Variants in SMAD7 observed in about 807,000 individuals in gnomAD.
The protein encoded by SMAD7 is SMAD family member 7, also known as MAD (mothers against decapentaplegic, Drosophila) homolog 7.
SMAD7 carries 8 observed loss-of-function variants against 38.7 expected under a neutral mutation model. That is an observed-to-expected ratio of 0.21 (90% confidence interval 0.12 to 0.37). SMAD7 has a LOEUF of 0.37. SMAD7 is among the 10% of genes least tolerant of loss of function. SMAD7 has a pLI of 1.00. For synonymous variants in SMAD7, 327 were observed against 265.1 expected (o/e 1.23, Z -2.27); for missense variants, 477 against 577.9 (o/e 0.83, Z 1.79).
At position 48,941,035 on chromosome 18, in the gene SMAD7, C is replaced by A. The variant is rs376257370; in HGVS notation, c.742+1446G>T. Among the ~76,000 whole-genome samples, 128 of 152,270 alleles carry A rather than the reference C, an allele frequency of 8.4e-4. 5 individuals are homozygous for A. The South Asian group carries it at 0.026, about 31-fold the overall frequency. On this transcript the variant is annotated intron_variant, in intron 3 of 3. Transcript: ENST00000262158. The stretch of plus-strand genomic sequence containing the variant: ...CATGTGGTTTGGAGGGGCCGGGGCT[C>A]CTCCCTGCACATTCAGGGTTTAAAA...
Position 48,920,092 on chromosome 18 carries a change from T to G in SMAD7, c.*1280A>C. On this transcript the variant is annotated 3_prime_UTR_variant, in exon 4 of 4. Transcript: ENST00000262158. Reference sequence around the variant, plus strand: ...AAAACGTCTTTATATTTACAAGTAATAATATATTTATATATAACATAAAAT... The same window carrying G: ...AAAACGTCTTTATATTTACAAGTAAGAATATATTTATATATAACATAAAAT... The G allele has an allele frequency of 6.6e-6, 1 of 152,520 alleles. No individual in the cohort carries two copies. The highest frequency in any genetic ancestry group is 2.1e-4 in the South Asian group (1 of 4,832). The allele number at this position is 152,520 out of a possible 1,614,324, so 9.4% of individuals were successfully genotyped here.
intron 3 of SMAD7, among the ~76,000 whole-genome samples, chr18:48,941,704 G>A (rs541479061): frequency 1.3e-5 from 2 of 152,282 alleles, no homozygotes; most frequent in East Asian, 3.9e-4. Flanking sequence ...GTAGAAATAG[G>A]ATTTCTTCAG....
At chr18:48,934,800 C>G (rs557541988) in intron 3 of SMAD7, among the ~76,000 whole-genome samples, 5 of 151,738 alleles carry the variant, frequency 3.3e-5, no homozygotes, top group Admixed American at 3.3e-4. Context: ...AAACAGAAAA[C>G]AGGCTAGCCG....
intron 3 of SMAD7, among the ~76,000 whole-genome samples, chr18:48,928,070 C>G (rs1403999115): frequency 6.6e-6 from 1 of 152,242 alleles, no homozygotes; most frequent in Non-Finnish European, 1.5e-5. Context: ...GCTTTTAGAG[C>G]TGCGCATGGG....
chr18:48,949,220 G>C (rs1455792481), intron 1 of SMAD7: 3 of 931,794 alleles, frequency 3.2e-6, no homozygotes, highest in Non-Finnish European at 3.8e-6. Flanking sequence ...GTTGAAAGGA[G>C]ACAGATACCC....
chr18:48,930,719 C>T (rs973845883), intron 3 of SMAD7, among the ~76,000 whole-genome samples: 7 of 46,918 alleles, frequency 1.5e-4, no homozygotes, highest in African/African-American at 2.9e-4. Flanking sequence ...CGGTGTGTGC[C>T]GACACATGAG....
rs1047488354 is a variant in SMAD7, at chr18:48,950,535, A to C, written c.-111T>G. ...AGTTGGGGCAGCAGGCGCAGGCGAC[A>C]GCAGCAGCAGCAGGGGCCCGGGCAG... On this transcript the variant is annotated 5_prime_UTR_variant, in exon 1 of 4. Transcript: ENST00000262158. The C allele has an allele frequency of 5.9e-6, 5 of 851,236 alleles. No individual in the cohort carries two copies. The highest frequency in any genetic ancestry group is 1.8e-5 in the African/African-American group (1 of 55,586). The allele number at this position is 851,236 out of a possible 1,614,324, so 52.7% of individuals were successfully genotyped here.
intron 2 of SMAD7, among the ~76,000 whole-genome samples, chr18:48,947,891 T>TCCCCC (rs1491319973): frequency 3.3e-5 from 3 of 90,644 alleles, no homozygotes; most frequent in Admixed American, 3.1e-4. Flanking sequence ...AGGAGGAACC[T>TCCCCC]ACCCCCCCCC....
intron 3 of SMAD7, among the ~76,000 whole-genome samples, chr18:48,933,956 G>A (rs964012708): frequency 1.3e-5 from 2 of 152,210 alleles, no homozygotes; most frequent in Admixed American, 6.5e-5. Flanking sequence ...GAGCGGGCCA[G>A]CCACACACAC....
rs2070220944 is a variant in SMAD7 at position 48,948,425 on chromosome 18, G to A, written c.626C>T (p.Pro209Leu). The A allele has an allele frequency of 1.3e-6, 2 of 1,562,308 alleles. No individual in the cohort carries two copies. Among genetic ancestry groups the A allele is most frequent in the South Asian group, 1.2e-5 (1 of 85,988 alleles). The change falls in exon 2 of 4, where the codon CCT becomes CTT. Residue 209 changes from proline (P) to leucine (L), a missense_variant. Pro to Leu is a moderately conservative substitution (Grantham distance 98). Around this residue, in one of 2 missense-constraint regions of SMAD7, gnomAD observed 376 missense variants for 379.4 expected, o/e 0.99. Coordinates refer to ENST00000262158, the MANE Select transcript of SMAD7 (RefSeq NM_005904.4). ...SRLCELESPP[P>L]PYSRYPMDFL... Reference sequence around the variant, plus strand: ...ATCCATCGGGTATCTGGAGTAAGGAGGGGGGGGAGACTCTGAAATTAAAAA... The same window carrying A: ...ATCCATCGGGTATCTGGAGTAAGGAAGGGGGGGAGACTCTGAAATTAAAAA...
At chr18:48,937,264 A>AGGTGTGTGTGTG (rs2070078691) in intron 3 of SMAD7, among the ~76,000 whole-genome samples, 4 of 119,778 alleles carry the variant, frequency 3.3e-5, no homozygotes, top group Admixed American at 3.3e-4. Context: ...AAGTAAAGGC[A>AGGTGTGTGTGTG]TGTGTGTGTG....
chr18:48,929,502 T>C (rs2069966461), intron 3 of SMAD7, among the ~76,000 whole-genome samples: 1 of 151,826 alleles, frequency 6.6e-6, no homozygotes, highest in African/African-American at 2.4e-5. Context: ...CAGCTGGCAC[T>C]GAATGCTGAT....
At chr18:48,929,052 G>T (rs532300616) in intron 3 of SMAD7, among the ~76,000 whole-genome samples, 2 of 151,894 alleles carry the variant, frequency 1.3e-5, no homozygotes, top group South Asian at 4.2e-4. Context: ...CTCAGAGGAA[G>T]GGTGGGGACT....
chr18:48,948,426 G>T lies in SMAD7; in HGVS notation c.625C>A (p.Pro209Thr), dbSNP rs551446649. ...SRLCELESPP[P>T]PYSRYPMDFL... ...TCCATCGGGTATCTGGAGTAAGGAGGGGGGGGAGACTCTGAAATTAAAAAA... is the reference window on the plus strand; with the variant it reads ...TCCATCGGGTATCTGGAGTAAGGAGTGGGGGGAGACTCTGAAATTAAAAAA... The change falls in exon 2 of 4, where the codon CCT becomes ACT. Residue 209 changes from proline to threonine, a missense_variant. Physicochemically the swap from Pro to Thr is conservative, Grantham distance 38 (BLOSUM62 -1). Transcript: ENST00000262158. 15 of 1,595,782 alleles carry T rather than the reference G, an allele frequency of 9.4e-6. No individual in the cohort carries two copies. The highest frequency in any genetic ancestry group is 4.5e-5 in the East Asian group (2 of 44,320).
At chr18:48,929,516 T>TTCTC (rs141923602) in intron 3 of SMAD7, among the ~76,000 whole-genome samples, 33 of 144,316 alleles carry the variant, frequency 2.3e-4, no homozygotes, top group South Asian at 6.6e-4. Flanking sequence ...TGCTGATTCA[T>TTCTC]TCTCTCTCTC....
Position 48,921,629 on chromosome 18 carries a change from T to G in SMAD7, c.1024A>C (p.Ile342Leu). ...VYNRSSYPIF[I>L]KSATLDNPDS... ...GGGTTGTCCAGTGTGGCGGACTTGATGAAGATGGGGTAACTGCTGCGGTTG... is the reference window on the plus strand; with the variant it reads ...GGGTTGTCCAGTGTGGCGGACTTGAGGAAGATGGGGTAACTGCTGCGGTTG... The change falls in exon 4 of 4, where the codon ATC (isoleucine) becomes CTC (leucine). Residue 342 changes from isoleucine (I) to leucine (L), a missense_variant. By Grantham distance (5) the Ile-to-Leu change is conservative. This residue lies in a region of SMAD7 where 101 missense variants were observed against 198.5 expected (regional missense o/e 0.51). Transcript: ENST00000262158. The surrounding 1 kb of genome is among the most constrained non-coding windows in gnomAD (Gnocchi z 6.4). 1 of 1,612,892 alleles carries G rather than the reference T, an allele frequency of 6.2e-7. No homozygotes were observed. Among genetic ancestry groups the G allele is most frequent in the Admixed American group, 1.7e-5 (1 of 60,014 alleles).
intron 3 of SMAD7, among the ~76,000 whole-genome samples, chr18:48,926,445 C>G (rs1034376361): frequency 6.6e-6 from 1 of 152,256 alleles, no homozygotes; most frequent in East Asian, 1.9e-4. Flanking sequence ...TCCACCGGCT[C>G]TCATCTCTGT....
chr18:48,942,739 A>T, intron 2 of SMAD7, 184 bp from the exon 3 acceptor site: 1 of 1,458,992 alleles, frequency 6.9e-7, no homozygotes, highest in Non-Finnish European at 9.0e-7. Context: ...GACAGACCAC[A>T]GCACCTTGTC....
intron 2 of SMAD7, among the ~76,000 whole-genome samples, chr18:48,945,699 G>A (rs1298401032): frequency 6.6e-6 from 1 of 152,168 alleles, no homozygotes; most frequent in Non-Finnish European, 1.5e-5. Flanking sequence ...TTTGCAGGCT[G>A]GATCTGCCCA....
Sources: gnomAD v4.1 joint callset for allele counts (sites outside exome capture counted in the v4.1 genomes callset) on GRCh38, gnomAD v4.1.1 for gene constraint, gnomAD v4.1.1 regional missense constraint, Gnocchi (gnomAD v3.1) non-coding constraint, MANE v1.5 for transcripts, NCBI Gene and HGNC (gene_info 2026-07-23, HGNC 2026-07-21) for gene names.